COL12A1: variants seen among roughly 807,000 people sequenced by gnomAD.
COL12A1 encodes the protein collagen type XII alpha 1 chain, also known as collagen alpha-1(XII) chain.
A neutral mutation model predicts 349.7 loss-of-function variants in COL12A1; 114 were observed. The ratio of observed to expected loss-of-function variants is 0.33; its 90% CI spans 0.28 to 0.38. The LOEUF is 0.38. COL12A1 is among the 10% of genes least tolerant of loss of function. The probability of loss-of-function intolerance (pLI) is 1.00; values close to 1 mark genes in which losing one functional copy is unlikely to be tolerated. For missense variants in COL12A1, 3,284 were observed against 3,756.9 expected, an observed-to-expected ratio of 0.87 and a Z score of 3.29; for synonymous variants, 1,369 against 1,329.0, an observed-to-expected ratio of 1.03 and a Z score of -0.66.
At chr6:75,193,224 T>C (rs1437680586) in intron 3 of COL12A1, among the ~76,000 whole-genome samples, 1 of 152,034 alleles carries the variant, frequency 6.6e-6, no homozygotes, top group African/African-American at 2.4e-5. Context: ...TTTGGAAGTG[T>C]TAGGTGTCAG....
Position 75,189,313 on chromosome 6 carries a change from T to C in COL12A1, c.727A>G (p.Lys243Glu). The C allele has an allele frequency of 1.2e-6, 2 of 1,613,214 alleles. No homozygotes were observed. The highest frequency in any genetic ancestry group is 1.7e-6 in the Non-Finnish European group (2 of 1,179,494). ...CCATCCGTAATAATAATTGCCACTT[T>C]AGGAAAGCCAACTCTTGCCCCAGCA... is the stretch of plus-strand genomic sequence containing the variant. ...ESAGARVGFP[K>E]VAIIITDGKS... Residue 243 changes from lysine (K) to glutamate (E), a missense_variant, in exon 7 of 66, where the codon AAA becomes GAA. Lys to Glu is a moderately conservative substitution (Grantham distance 56, BLOSUM62 1). Around this residue, in one of 2 missense-constraint regions of COL12A1, gnomAD observed 2,601 missense variants for 2,824.8 expected, o/e 0.92. Transcript: ENST00000322507.
chr6:75,197,376 G>A (rs1207409621), intron 2 of COL12A1, among the ~76,000 whole-genome samples: 1 of 148,872 alleles, frequency 6.7e-6, no homozygotes, highest in Non-Finnish European at 1.5e-5. Flanking sequence ...GCAGTGGTAC[G>A]AACTTGGCTC....
chr6:75,104,582 G>A (rs543990128), intron 54 of COL12A1, among the ~76,000 whole-genome samples: 1 of 152,268 alleles, frequency 6.6e-6, no homozygotes, highest in East Asian at 1.9e-4. Context: ...ATCAGATACT[G>A]GATCGACTAA....
At chr6:75,137,216 TA>T (rs1325539108) in intron 31 of COL12A1, among the ~76,000 whole-genome samples, 1 of 152,152 alleles carries the variant, frequency 6.6e-6, no homozygotes, top group African/African-American at 2.4e-5. Flanking sequence ...TTTGGGGCTG[TA>T]ATGAAGAACA....
In COL12A1 at chr6:75,138,834, T is replaced by C. The variant is rs190018580; in HGVS notation, c.5085A>G (p.Ser1695=). 97 of 1,614,114 alleles carry C rather than the reference T, an allele frequency of 6.0e-5. No homozygotes were observed. The African/African-American group carries it at 1.1e-3, about 18-fold the overall frequency. ...YRITWAPFGS[S]DKMETILNGD... is the part of the protein sequence containing the mutation. Reference sequence around the variant, plus strand: ...GAGAGTTAACTACCTCCATCTTATCTGAGCTTCCAAAAGGTGCCCAAGTTA... The same window carrying C: ...GAGAGTTAACTACCTCCATCTTATCCGAGCTTCCAAAAGGTGCCCAAGTTA... Residue 1695 remains serine, a synonymous_variant, in exon 28 of 66, where the codon TCA becomes TCG. Transcript: ENST00000322507.
At chr6:75,112,317 C>T (rs1371363142) in intron 51 of COL12A1, among the ~76,000 whole-genome samples, 4 of 151,928 alleles carry the variant, frequency 2.6e-5, no homozygotes, top group Admixed American at 2.0e-4. Flanking sequence ...CCCCATTACA[C>T]GTTTACCCAT....
intron 16 of COL12A1, 81 bp from the exon 17 acceptor site, chr6:75,154,618 AT>A: frequency 7.2e-7 from 1 of 1,391,694 alleles, no homozygotes. Flanking sequence ...TGTTAAAGAC[AT>A]TTTTCTTGAT....
chr6:75,156,157 G>T (rs534938820), intron 15 of COL12A1, 100 bp downstream of exon 15: 1 of 1,365,228 alleles, frequency 7.3e-7, no homozygotes. Flanking sequence ...AACTTATTAC[G>T]GAATCAGTTT....
rs200496785 is a variant in COL12A1 at position 75,183,990 on chromosome 6, A to G, written c.1152T>C (p.Pro384=). Residue 384 remains proline, a synonymous_variant, in exon 9 of 66, where the codon CCT becomes CCC. Transcript: ENST00000322507. ...CGCGAACACTGAGCGTGGTTGTCTG[A>G]GGCCCCACACTCAGAGCGTGCTGTC... ...GSRQHALSVG[P]QTTTLSVRDL... is the part of the protein sequence containing the mutation. 5.4e-4 allele frequency: 877 copies of G among 1,614,160 alleles called. 1 individual carries two copies. Among genetic ancestry groups the G allele is most frequent in the Non-Finnish European group, 6.8e-4 (799 of 1,180,022 alleles).
At position 75,137,462 on chromosome 6, in the gene COL12A1, G is replaced by A. The variant is rs199684959; in HGVS notation, c.5369C>T (p.Ser1790Phe). Residue 1790 changes from serine to phenylalanine, a missense_variant, in exon 31 of 66, where the codon TCC (serine) becomes TTC (phenylalanine). Physicochemically the swap from Ser to Phe is radical, Grantham distance 155. Around this residue, in one of 2 missense-constraint regions of COL12A1, gnomAD observed 2,601 missense variants for 2,824.8 expected, o/e 0.92. Coordinates refer to ENST00000322507, the MANE Select transcript of COL12A1 (RefSeq NM_004370.6). ...CGTTTGCTCATTGCCTTCCCCTGTGGAAGGCTGATAAGTGATCCTATATTT... is the reference window on the plus strand; with the variant it reads ...CGTTTGCTCATTGCCTTCCCCTGTGAAAGGCTGATAAGTGATCCTATATTT... ...VQKYRITYQP[S>F]TGEGNEQTTT... 1.2e-6 allele frequency: 2 copies of A among 1,610,568 alleles called. No individual in the cohort carries two copies. Among genetic ancestry groups the A allele is most frequent in the Middle Eastern group, 1.7e-4 (1 of 6,058 alleles).
At chr6:75,119,295 A>C in intron 45 of COL12A1, 55 bp downstream of exon 45, 2 of 1,605,070 alleles carry the variant, frequency 1.2e-6, no homozygotes, top group Non-Finnish European at 1.7e-6. Context: ...GAGATAATAC[A>C]CTCAGTTCTG....
At chr6:75,100,080 G>T (rs1198610471) in intron 58 of COL12A1, among the ~76,000 whole-genome samples, 2 of 152,230 alleles carry the variant, frequency 1.3e-5, no homozygotes, top group Admixed American at 1.3e-4. Flanking sequence ...AGGCTGTGAA[G>T]GAAAAGGGAG....
At chr6:75,095,510 G>T (rs991044119) in intron 59 of COL12A1, among the ~76,000 whole-genome samples, 1 of 151,364 alleles carries the variant, frequency 6.6e-6, no homozygotes, top group Non-Finnish European at 1.5e-5. Context: ...CCAGCTACTC[G>T]GGAGGCTGAG....
chr6:75,194,914 A>G lies in COL12A1; in HGVS notation c.107T>C (p.Ile36Thr). 1 of 1,608,322 alleles carries G rather than the reference A, an allele frequency of 6.2e-7. No homozygotes were observed. Among genetic ancestry groups the G allele is most frequent in the Non-Finnish European group, 8.5e-7 (1 of 1,177,296 alleles). Reference protein sequence around the residue: ...DPPSDLNFKIIDENTVHMSWA... With the variant: ...DPPSDLNFKITDENTVHMSWA... ...TGACATATGAACAGTATTTTCATCTATAATTTTAAAATTCAAGTCTGAAGG... is the reference window on the plus strand; with the variant it reads ...TGACATATGAACAGTATTTTCATCTGTAATTTTAAAATTCAAGTCTGAAGG... The change falls in exon 3 of 66, where the codon ATA (isoleucine) becomes ACA (threonine). Residue 36 changes from isoleucine to threonine, a missense_variant. Physicochemically the swap from Ile to Thr is moderately conservative, Grantham distance 89. Around this residue, in one of 2 missense-constraint regions of COL12A1, gnomAD observed 2,601 missense variants for 2,824.8 expected, o/e 0.92. Transcript: ENST00000322507.
At position 75,085,616 on chromosome 6, in the gene COL12A1, A is replaced by G. The variant is rs1767452053; in HGVS notation, c.*931T>C. The G allele has an allele frequency of 3.2e-6, 1 of 308,386 alleles. No homozygotes were observed. Among genetic ancestry groups the G allele is most frequent in the Admixed American group, 4.0e-5 (1 of 25,096 alleles). 19.1% of individuals were successfully genotyped at this position (308,386 alleles called of 1,614,324 possible). ...ACAATCATTGCACAAATACTTGGGA[A>G]GGGTCAGAGACTGGGCCAAAGAACT... On this transcript the variant is annotated 3_prime_UTR_variant, in exon 66 of 66. Transcript: ENST00000322507.
In COL12A1 at chr6:75,151,956, C is replaced by T; in HGVS notation, c.3911G>A (p.Gly1304Asp). 6.2e-7 allele frequency: 1 copy of T among 1,613,846 alleles called. No individual in the cohort carries two copies. Among genetic ancestry groups the T allele is most frequent in the Non-Finnish European group, 8.5e-7 (1 of 1,179,836 alleles). The change falls in exon 20 of 66, where the codon GGT (glycine) becomes GAT (aspartate). Residue 1304 changes from glycine (G) to aspartate (D), a missense_variant. Around this residue, in one of 2 missense-constraint regions of COL12A1, gnomAD observed 2,601 missense variants for 2,824.8 expected, o/e 0.92. Coordinates refer to ENST00000322507, the MANE Select transcript of COL12A1 (RefSeq NM_004370.6). ...AGMRPRARKI[G>D]VLITDGKSQD... ...TGATTTTCCATCAGTAATGAGCACACCAATTTTTCGAGCTCGAGGTCTCAT... is the reference window on the plus strand; with the variant it reads ...TGATTTTCCATCAGTAATGAGCACATCAATTTTTCGAGCTCGAGGTCTCAT...
intron 22 of COL12A1, among the ~76,000 whole-genome samples, chr6:75,148,147 C>T (rs771794388): frequency 2.6e-5 from 4 of 151,802 alleles, no homozygotes; most frequent in Non-Finnish European, 5.9e-5. Context: ...TCTTAGAAAC[C>T]GTAAGAATTT....
At chr6:75,107,094 G>A (rs549094015) in intron 52 of COL12A1, among the ~76,000 whole-genome samples, 10 of 151,314 alleles carry the variant, frequency 6.6e-5, no homozygotes, top group Admixed American at 3.3e-4. Flanking sequence ...TAATAGAGGC[G>A]GGGTTTTACC....
Position 75,138,978 on chromosome 6 carries a change from C to T in COL12A1, c.4958-17G>A, listed in dbSNP as rs1174981592. 4.3e-6 allele frequency: 7 copies of T among 1,611,952 alleles called. No homozygotes were observed. In the East Asian group the frequency reaches 1.3e-4, roughly 31 times the overall value. On this transcript the variant is annotated splice_polypyrimidine_tract_variant and intron_variant, in intron 27 of 65. Coordinates refer to ENST00000322507, the MANE Select transcript of COL12A1 (RefSeq NM_004370.6). ...GCACGGGTCCTATCATGAGAAAAGGCAAGCAGACTAAGTTTTTGAATGTGA... is the reference window on the plus strand; with the variant it reads ...GCACGGGTCCTATCATGAGAAAAGGTAAGCAGACTAAGTTTTTGAATGTGA...
Sources: gnomAD v4.1 joint callset for allele counts (sites outside exome capture counted in the v4.1 genomes callset) on GRCh38, gnomAD v4.1.1 for gene constraint, gnomAD v4.1.1 regional missense constraint, MANE v1.5 for transcripts, NCBI Gene and HGNC (gene_info 2026-07-23, HGNC 2026-07-21) for gene names.